Variants in C8orf34 observed in about 807,000 individuals in gnomAD.
C8orf34 encodes the protein uncharacterized protein C8orf34.
C8orf34 carries 65 observed loss-of-function variants against 68.3 expected under a neutral mutation model. The observed-to-expected ratio is 0.95, with a 90% CI of 0.78 to 1.17. The LOEUF is 1.17. Among genes scored for constraint, C8orf34 ranks in the 50% most tolerant of loss-of-function variants. C8orf34 has a pLI of 0.00. For synonymous variants in C8orf34, 244 were observed against 241.2 expected, an observed-to-expected ratio of 1.01 and a Z score of -0.11; for missense variants, 664 against 655.4, an observed-to-expected ratio of 1.01 and a Z score of -0.14.
At chr8:68,491,553 C>T (rs1813313299) in intron 5 of C8orf34, among the ~76,000 whole-genome samples, 2 of 152,136 alleles carry the variant, frequency 1.3e-5, no homozygotes, top group South Asian at 4.1e-4. Context: ...AAACCAGCAA[C>T]ATCTCTTCTG....
chr8:68,791,018 T>A (rs561384305), intron 12 of C8orf34: 1 of 595,136 alleles, frequency 1.7e-6, no homozygotes, highest in Non-Finnish European at 3.0e-6. Context: ...TAAATAAGTT[T>A]GAATATAAAA....
intron 7 of C8orf34, among the ~76,000 whole-genome samples, chr8:68,626,898 G>T (rs991378370): frequency 6.6e-6 from 1 of 151,984 alleles, no homozygotes; most frequent in African/African-American, 2.4e-5. Context: ...TAAAATGCTG[G>T]GGTGAGAAAA....
intron 7 of C8orf34, among the ~76,000 whole-genome samples, chr8:68,622,702 T>A (rs1818423056): frequency 6.6e-6 from 1 of 152,124 alleles, no homozygotes; most frequent in South Asian, 2.1e-4. Context: ...TCAATTGTAG[T>A]TCAAAAGGAC....
At chr8:68,379,249 G>T (rs1807932313) in intron 1 of C8orf34, among the ~76,000 whole-genome samples, 1 of 152,202 alleles carries the variant, frequency 6.6e-6, no homozygotes, top group South Asian at 2.1e-4. Context: ...AGATATTTGA[G>T]AGTCGAAGAT....
intron 2 of C8orf34, among the ~76,000 whole-genome samples, 154 bp from the exon 3 acceptor site, chr8:68,446,175 A>G (rs970236600): frequency 2.0e-5 from 3 of 152,224 alleles, no homozygotes; most frequent in African/African-American, 7.2e-5. Context: ...TTACAGATGA[A>G]ATTAAACAAG....
At chr8:68,627,988 A>C (rs1256415894) in intron 7 of C8orf34, among the ~76,000 whole-genome samples, 2 of 152,146 alleles carry the variant, frequency 1.3e-5, no homozygotes, top group African/African-American at 4.8e-5. Flanking sequence ...TGTAAATTTA[A>C]ATGTATATAA....
At chr8:68,775,261 T>C (rs555550771) in intron 10 of C8orf34, among the ~76,000 whole-genome samples, 27 of 152,260 alleles carry the variant, frequency 1.8e-4, no homozygotes, top group African/African-American at 6.3e-4. Flanking sequence ...AAAAAGATTC[T>C]GTAGAAACAA....
chr8:68,388,508 T>G (rs1031107362), intron 1 of C8orf34, among the ~76,000 whole-genome samples: 1 of 152,142 alleles, frequency 6.6e-6, no homozygotes. Flanking sequence ...TTAAGCTCCT[T>G]AGGAATATGG....
At chr8:68,415,836 A>G (rs750027987) in intron 1 of C8orf34, among the ~76,000 whole-genome samples, 17 of 152,154 alleles carry the variant, frequency 1.1e-4, no homozygotes, top group Non-Finnish European at 2.1e-4. Context: ...TGGCTTCTCT[A>G]TTTGTGCTGT....
chr8:68,478,956 G>C (rs575546797), intron 4 of C8orf34, among the ~76,000 whole-genome samples: 2 of 152,218 alleles, frequency 1.3e-5, no homozygotes, highest in East Asian at 3.9e-4. Context: ...TTATTTGAAA[G>C]AACACTGAAT....
chr8:68,446,282 T>C, intron 2 of C8orf34, 47 bp from the exon 3 acceptor site: 9 of 1,516,868 alleles, frequency 5.9e-6, no homozygotes, highest in Non-Finnish European at 8.0e-6. Flanking sequence ...TTTTGCTCAA[T>C]CTTGAAATCA....
chr8:68,723,376 C>T (rs1268166555), intron 10 of C8orf34, among the ~76,000 whole-genome samples: 1 of 152,022 alleles, frequency 6.6e-6, no homozygotes, highest in Non-Finnish European at 1.5e-5. Context: ...AATTTCAGTA[C>T]CTTGATGCTT....
chr8:68,800,400 T>C (rs553915298), intron 12 of C8orf34, among the ~76,000 whole-genome samples: 18 of 152,280 alleles, frequency 1.2e-4, no homozygotes, highest in African/African-American at 4.3e-4. Context: ...TCTTCTTTAT[T>C]AGGCAGAGAG....
chr8:68,439,375 G>T (rs1810800077), intron 1 of C8orf34, 124 bp from the exon 2 acceptor site: 1 of 737,420 alleles, frequency 1.4e-6, no homozygotes. Flanking sequence ...TTATAAGCAT[G>T]GAGTTAGTTG....
At chr8:68,495,746 T>A (rs144897392) in intron 5 of C8orf34, among the ~76,000 whole-genome samples, 178 of 152,136 alleles carry the variant, frequency 1.2e-3, no homozygotes, top group African/African-American at 3.6e-3. Context: ...ACCCAGGCAG[T>A]TTAACAGACC....
chr8:68,733,420 C>T (rs1822038589), intron 10 of C8orf34, among the ~76,000 whole-genome samples: 1 of 152,126 alleles, frequency 6.6e-6, no homozygotes, highest in Non-Finnish European at 1.5e-5. Context: ...GAGAGTTAGC[C>T]TCCATTAACA....
chr8:68,765,027 T>C (rs753497364), intron 10 of C8orf34, among the ~76,000 whole-genome samples: 18 of 152,224 alleles, frequency 1.2e-4, no homozygotes, highest in Non-Finnish European at 2.6e-4. Flanking sequence ...AGCATATCCC[T>C]CATTTTTGTA....
intron 12 of C8orf34, among the ~76,000 whole-genome samples, chr8:68,795,838 C>A (rs1824163719): frequency 6.6e-6 from 1 of 152,160 alleles, no homozygotes; most frequent in Admixed American, 6.5e-5. Context: ...TCTTGTTTAG[C>A]CCAGCTGGTA....
chr8:68,394,423 A>C (rs932747798), intron 1 of C8orf34, among the ~76,000 whole-genome samples: 3 of 151,818 alleles, frequency 2.0e-5, no homozygotes, highest in Non-Finnish European at 4.4e-5. Flanking sequence ...TGAACTCATC[A>C]TTTTTTATGG....
Sources: allele counts gnomAD v4.1 joint callset (sites outside exome capture counted in the v4.1 genomes callset), GRCh38; gene constraint gnomAD v4.1.1; transcripts MANE v1.5; gene names NCBI Gene and HGNC (gene_info 2026-07-23, HGNC 2026-07-21).